The following NECTIN3 variants were observed in gnomAD, a reference collection of about 807,000 sequenced individuals.
NECTIN3 encodes nectin-3.
In NECTIN3, 8 loss-of-function variants were observed where a neutral mutation model predicts 49.4. The ratio of observed to expected loss-of-function variants is 0.16; its 90% CI spans 0.10 to 0.29. The LOEUF (loss-of-function observed/expected upper bound fraction) is 0.29, where lower values mean the gene tolerates loss of function less well. Among genes scored for constraint, NECTIN3 ranks in the 10% least tolerant of loss-of-function variants. The pLI is 1.00. For missense variants in NECTIN3, 581 were observed against 654.6 expected, an observed-to-expected ratio of 0.89 and a Z score of 1.23; for synonymous variants, 277 against 241.1, an observed-to-expected ratio of 1.15 and a Z score of -1.38.
chr3:111,147,228 A>G (rs576817201), intron 6 of NECTIN3, among the ~76,000 whole-genome samples: 1 of 152,196 alleles, frequency 6.6e-6, no homozygotes, highest in African/African-American at 2.4e-5. Flanking sequence ...TTTATTTTTG[A>G]TCTTTGATAG....
intron 1 of NECTIN3, among the ~76,000 whole-genome samples, chr3:111,077,835 T>G (rs1264452657): frequency 2.0e-5 from 3 of 152,218 alleles, no homozygotes; most frequent in Non-Finnish European, 4.4e-5. Flanking sequence ...TTTCAAGAGT[T>G]TGATGGCGAA....
Position 111,169,387 on chromosome 3 carries a change from T to TC in NECTIN3, c.1221+21903_1221+21904insC, listed in dbSNP as rs1423117525. Reference sequence around the variant, plus strand: ...TTACAAACGCAAACTTTTTTTTTTTTTTTTTTTTTTAAGAGCACAGTTGGA... The same window carrying TC: ...TTACAAACGCAAACTTTTTTTTTTTTCTTTTTTTTTTAAGAGCACAGTTGGA... On this transcript the variant is annotated intron_variant, in intron 7 of 8. Coordinates refer to the NECTIN3 transcript ENST00000493615. Among the ~76,000 whole-genome samples the TC allele has an allele frequency of 1.0e-3, 154 of 151,108 alleles. 2 individuals are homozygous for TC. In the East Asian group the frequency reaches 0.029, roughly 28 times the overall value.
rs1283581539 is a variant in NECTIN3, at chr3:111,135,922, GATAA to G, written c.*1713_*1716del. 9.8e-6 allele frequency: 9 copies of G among 918,564 alleles called. No individual in the cohort carries two copies. Among genetic ancestry groups the G allele is most frequent in the Non-Finnish European group, 1.2e-5 (9 of 770,232 alleles). The allele number at this position is 918,564 out of a possible 1,614,324, so 56.9% of individuals were successfully genotyped here. Reference sequence around the variant, plus strand: ...GCTGTAGTATCAGGTTAAGGATACAGATAAATAAAGTTCACTTATATCTTCTTAC... The same window carrying G: ...GCTGTAGTATCAGGTTAAGGATACAGATAAAGTTCACTTATATCTTCTTAC... On this transcript the variant is annotated 3_prime_UTR_variant, in exon 6 of 6. Transcript: ENST00000485303.
intron 4 of NECTIN3, among the ~76,000 whole-genome samples, chr3:111,123,678 T>A (rs927936347): frequency 3.9e-5 from 6 of 152,174 alleles, no homozygotes; most frequent in African/African-American, 1.4e-4. Context: ...CCTTCTAGTT[T>A]TCTGAGGTAC....
chr3:111,136,636 T>C lies in NECTIN3; in HGVS notation c.*2421T>C. The C allele has an allele frequency of 1.1e-6, 1 of 906,766 alleles. No individual in the cohort carries two copies. The highest frequency in any genetic ancestry group is 1.3e-6 in the Non-Finnish European group (1 of 758,670). 56.2% of individuals were successfully genotyped at this position (906,766 alleles called of 1,614,324 possible). On this transcript the variant is annotated 3_prime_UTR_variant, in exon 6 of 6. Coordinates refer to ENST00000485303, the MANE Select transcript of NECTIN3 (RefSeq NM_015480.3). ...AGTTTTTGAATACCAGTGATATTCATAACTACTTGACAGGTATATATGAAA... is the reference window on the plus strand; with the variant it reads ...AGTTTTTGAATACCAGTGATATTCACAACTACTTGACAGGTATATATGAAA...
At chr3:111,133,271 G>T (rs1394817028) in intron 5 of NECTIN3, among the ~76,000 whole-genome samples, 1 of 151,638 alleles carries the variant, frequency 6.6e-6, no homozygotes, top group Non-Finnish European at 1.5e-5. Context: ...TTTTGTTATA[G>T]TAATTATTAA....
intron 7 of NECTIN3, among the ~76,000 whole-genome samples, chr3:111,159,350 C>G (rs763803323): frequency 1.4e-4 from 22 of 152,090 alleles, no homozygotes; most frequent in Non-Finnish European, 3.2e-4. Context: ...TGGTTTTTGG[C>G]TCACAAAAAG....
At position 111,072,299 on chromosome 3, in the gene NECTIN3, C is replaced by T. The variant is rs888232325; in HGVS notation, c.160+122C>T. The stretch of plus-strand genomic sequence containing the variant: ...GGCGGTTGGTTGTGCGAGCGAGTGC[C>T]GAGGACTTTGGCTGGAAACTTTTCG... On this transcript the variant is annotated intron_variant, in intron 1 of 5. Transcript: ENST00000485303. 16 of 1,442,034 alleles carry T rather than the reference C, an allele frequency of 1.1e-5. No homozygotes were observed. The African/African-American group carries it at 1.6e-4, about 15-fold the overall frequency. 89.3% of individuals were successfully genotyped at this position (1,442,034 alleles called of 1,614,324 possible). A position where few individuals can be genotyped will look rare whatever the true frequency, so the allele number is the denominator to read the frequency against.
At chr3:111,126,162 T>C in intron 4 of NECTIN3, 22 bp from the exon 5 acceptor site, 1 of 1,505,894 alleles carries the variant, frequency 6.6e-7, no homozygotes. Flanking sequence ...TTTAAAATAA[T>C]TTTATGCATT....
intron 7 of NECTIN3, among the ~76,000 whole-genome samples, chr3:111,169,174 C>G (rs1390700090): frequency 6.9e-6 from 1 of 145,178 alleles, no homozygotes; most frequent in Non-Finnish European, 1.5e-5. Context: ...ACTGCAAGCT[C>G]CACCTCGTGG....
At chr3:111,109,306 C>A (rs1384073348) in intron 1 of NECTIN3, among the ~76,000 whole-genome samples, 4 of 152,124 alleles carry the variant, frequency 2.6e-5, no homozygotes, top group African/African-American at 4.8e-5. Context: ...CATAAAACTT[C>A]TCTTACTCCC....
chr3:111,090,689 G>A (rs2032214667), intron 1 of NECTIN3, among the ~76,000 whole-genome samples: 1 of 49,764 alleles, frequency 2.0e-5, no homozygotes, highest in African/African-American at 3.2e-5. Context: ...GTTTTTTCAT[G>A]GCATCTTAAA....
rs145675578 is a variant in NECTIN3 at position 111,149,024 on chromosome 3, T to C, written c.1221+1540T>C. ...TATATTTCATTTTAATCTGAAACTT[T>C]ATTAAACTTGATAAAGAGGTAGAGA... On this transcript the variant is annotated intron_variant, in intron 7 of 8. Coordinates refer to the NECTIN3 transcript ENST00000493615. Among the ~76,000 whole-genome samples, 378 of 152,274 alleles carry C rather than the reference T, an allele frequency of 2.5e-3. 2 individuals carry two copies. The highest frequency in any genetic ancestry group is 8.4e-3 in the African/African-American group (348 of 41,578).
chr3:111,102,361 T>G (rs73852402), intron 1 of NECTIN3, among the ~76,000 whole-genome samples: 4,862 of 152,294 alleles, frequency 0.032, 88 homozygotes, highest in Middle Eastern at 0.058. Context: ...TATATTGGTT[T>G]CTATAATCCT....
intron 1 of NECTIN3, among the ~76,000 whole-genome samples, chr3:111,085,395 G>T (rs1381335396): frequency 6.6e-6 from 1 of 152,178 alleles, no homozygotes; most frequent in Non-Finnish European, 1.5e-5. Context: ...AATGAAACTT[G>T]AGAGAGACTC....
chr3:111,156,257 T>C (rs1251587328), intron 7 of NECTIN3, among the ~76,000 whole-genome samples: 5 of 152,226 alleles, frequency 3.3e-5, no homozygotes, highest in Non-Finnish European at 7.3e-5. Context: ...CACACTTTTG[T>C]TTTTGAATCT....
intron 7 of NECTIN3, among the ~76,000 whole-genome samples, chr3:111,154,379 T>C (rs1047190949): frequency 1.3e-5 from 2 of 152,246 alleles, no homozygotes; most frequent in South Asian, 2.1e-4. Context: ...TATAATATAC[T>C]GCATTTTGTT....
At position 111,177,929 on chromosome 3, in the gene NECTIN3, G is replaced by A. The variant is rs141347365; in HGVS notation, c.1222-14422G>A. On this transcript the variant is annotated intron_variant, in intron 7 of 8. Coordinates refer to the NECTIN3 transcript ENST00000493615. Reference sequence around the variant, plus strand: ...TTTACCATCTATCTGCTTTAATTAGGTACTTTGCTTTGCATATGTATTAAA... The same window carrying A: ...TTTACCATCTATCTGCTTTAATTAGATACTTTGCTTTGCATATGTATTAAA... 1.1e-3 allele frequency among the ~76,000 whole-genome samples: 161 copies of A among 152,194 alleles called. 1 individual carries two copies. The East Asian group carries it at 0.029, about 27-fold the overall frequency.
chr3:111,159,123 GTC>G (rs2107518396), intron 7 of NECTIN3, among the ~76,000 whole-genome samples: 1 of 152,114 alleles, frequency 6.6e-6, no homozygotes, highest in South Asian at 2.1e-4. Context: ...TCTTTTGTAA[GTC>G]TATTTTTATA....
Sources: gnomAD v4.1 joint callset for allele counts (sites outside exome capture counted in the v4.1 genomes callset) on GRCh38, gnomAD v4.1.1 for gene constraint, MANE v1.5 for transcripts, NCBI Gene and HGNC (gene_info 2026-07-23, HGNC 2026-07-21) for gene names.